The following FRMPD3 variants were observed in gnomAD, a reference collection of about 807,000 sequenced individuals.
FRMPD3 encodes FERM and PDZ domain-containing protein 3.
Under a neutral mutation model 97.9 loss-of-function variants are expected in FRMPD3, and 42 were observed. The ratio of observed to expected loss-of-function variants is 0.43; its 90% CI spans 0.34 to 0.55. The LOEUF (loss-of-function observed/expected upper bound fraction) is 0.55. FRMPD3 is among the 20% of genes least tolerant of loss of function. FRMPD3 has a pLI of 0.03. For missense variants in FRMPD3, 1,303 were observed against 1,457.7 expected, an observed-to-expected ratio of 0.89 and a Z score of 1.73; for synonymous variants, 577 against 581.1, an observed-to-expected ratio of 0.99 and a Z score of 0.10.
chrX:107,559,003 T>C (rs1602816094), intron 8 of FRMPD3, among the ~76,000 whole-genome samples: 1 of 65,713 alleles, frequency 1.5e-5, no homozygotes, highest in East Asian at 3.6e-4. Flanking sequence ...ACTATAGCAA[T>C]TTTTTTTTTT....
chrX:107,515,700 C>T (rs1321775196), intron 1 of FRMPD3, among the ~76,000 whole-genome samples: 1 of 111,369 alleles, frequency 9.0e-6, no homozygotes, highest in African/African-American at 3.3e-5. Flanking sequence ...TGTTTGTTTT[C>T]TTAAGGATGG....
At chrX:107,525,027 GCATTGCT>G (rs1922645027) in intron 1 of FRMPD3, among the ~76,000 whole-genome samples, 1 of 100,318 alleles carries the variant, frequency 1.0e-5, no homozygotes, top group Non-Finnish European at 2.0e-5. Context: ...AAAAAGAATT[GCATTGCT>G]CTCAGAATGT....
chrX:107,589,153 G>A (rs993344338), intron 13 of FRMPD3, among the ~76,000 whole-genome samples: 2 of 111,144 alleles, frequency 1.8e-5, no homozygotes, highest in Non-Finnish European at 3.8e-5. Context: ...AGGAGAAGAG[G>A]CACTCTGGCC....
chrX:107,560,197 CA>C lies in FRMPD3; in HGVS notation c.763-59del, dbSNP rs745644929. ...TTGTCTGGGATGTAAGGGAGTAGAT[CA>C]GGGGGTGGGGAAGGAATGTCTCCTT... On this transcript the variant is annotated intron_variant, in intron 8 of 14. Coordinates refer to ENST00000683843, the MANE Select transcript of FRMPD3 (RefSeq NM_001388459.1). 7.7e-6 allele frequency: 9 copies of C among 1,164,820 alleles called. No individual in the cohort carries two copies. In the South Asian group the frequency reaches 1.5e-4, roughly 19 times the overall value.
At chrX:107,598,201 T>C in intron 14 of FRMPD3, 59 bp downstream of exon 14, 1 of 993,736 alleles carries the variant, frequency 1.0e-6, no homozygotes, top group East Asian at 3.1e-5. Context: ...CAAGGGCCAG[T>C]AGGTAACATT....
At chrX:107,584,466 T>C (rs994764299) in intron 13 of FRMPD3, among the ~76,000 whole-genome samples, 1 of 112,107 alleles carries the variant, frequency 8.9e-6, no homozygotes, top group Non-Finnish European at 1.9e-5. Flanking sequence ...CATTTGTCAA[T>C]TGTGGCTTTT....
Position 107,600,412 on chromosome X carries a change from G to A in FRMPD3, c.2373G>A (p.Gln791=). 1 of 1,210,821 alleles carries A rather than the reference G, an allele frequency of 8.3e-7. No individual in the cohort carries two copies. ...DMSEMMSAMK[Q]HQNTTYFLAQ... ...CAGAGATGATGTCGGCCATGAAGCA[G>A]CACCAGAACACCACCTACTTCCTGG... is the stretch of plus-strand genomic sequence containing the variant. Residue 791 remains glutamine, a synonymous_variant, in exon 15 of 15, where the codon CAG becomes CAA. Coordinates refer to ENST00000683843, the MANE Select transcript of FRMPD3 (RefSeq NM_001388459.1).
At chrX:107,538,020 T>C (rs1177064380) in intron 4 of FRMPD3, among the ~76,000 whole-genome samples, 1 of 111,196 alleles carries the variant, frequency 9.0e-6, no homozygotes, top group Non-Finnish European at 1.9e-5. Context: ...GGCAGTGCAG[T>C]GTAGTGCAAG....
Position 107,502,605 on chromosome X carries a change from A to G in FRMPD3, c.-7-23977A>G, listed in dbSNP as rs1921938840. ...GAAACAACCAGGGTCCATCTGACTC[A>G]GAGGCAGGAAGTCGGGCACCAATTC... On this transcript the variant is annotated intron_variant, in intron 1 of 14. Coordinates refer to ENST00000683843, the MANE Select transcript of FRMPD3 (RefSeq NM_001388459.1). Among the ~76,000 whole-genome samples, 3 of 110,994 alleles carry G rather than the reference A, an allele frequency of 2.7e-5. No individual in the cohort carries two copies. The Admixed American group carries it at 2.9e-4, about 11-fold the overall frequency.
chrX:107,473,246 G>T (rs1478866926), intron 1 of FRMPD3, among the ~76,000 whole-genome samples: 1 of 111,818 alleles, frequency 8.9e-6, no homozygotes, highest in Non-Finnish European at 1.9e-5. Context: ...TTTTTCTACG[G>T]AAAGTATTTG....
At chrX:107,580,251 C>T (rs2147622088) in intron 13 of FRMPD3, among the ~76,000 whole-genome samples, 1 of 112,402 alleles carries the variant, frequency 8.9e-6, no homozygotes, top group Non-Finnish European at 1.9e-5. Context: ...GGGCAATCCC[C>T]TTGGGGAAAG....
chrX:107,603,328 T>C lies in FRMPD3; in HGVS notation c.5289T>C (p.Thr1763=), dbSNP rs1428846627. 1 of 1,122,901 alleles carries C rather than the reference T, an allele frequency of 8.9e-7. No individual in the cohort carries two copies. The highest frequency in any genetic ancestry group is 2.9e-5 in the Admixed American group (1 of 34,106). 92.5% of individuals were successfully genotyped at this position (1,122,901 alleles called of 1,213,427 possible). The change falls in exon 15 of 15, where the codon ACT becomes ACC. Residue 1763 remains threonine, a synonymous_variant. Transcript: ENST00000683843. ...CACCAGGCTCCCCAACTTCGGCGACTGTTATGAGCACATTCACCCACTCCT... is the reference window on the plus strand; with the variant it reads ...CACCAGGCTCCCCAACTTCGGCGACCGTTATGAGCACATTCACCCACTCCT... ...EHPPGSPTSA[T]VMSTFTHSLK...
chrX:107,521,558 A>C (rs1288002907), intron 1 of FRMPD3, among the ~76,000 whole-genome samples: 1 of 112,745 alleles, frequency 8.9e-6, no homozygotes, highest in East Asian at 2.8e-4. Flanking sequence ...TTTGTGCCCA[A>C]GCTCCTTACA....
At chrX:107,542,452 C>T (rs924022669) in intron 4 of FRMPD3, among the ~76,000 whole-genome samples, 2 of 111,697 alleles carry the variant, frequency 1.8e-5, no homozygotes, top group Non-Finnish European at 3.8e-5. Context: ...AGACCTCACC[C>T]CCAGGAATTC....
At chrX:107,488,161 G>T (rs1325981538) in intron 1 of FRMPD3, among the ~76,000 whole-genome samples, 3 of 111,926 alleles carry the variant, frequency 2.7e-5, no homozygotes, top group Non-Finnish European at 5.6e-5. Flanking sequence ...GTCAAGGCAA[G>T]CAGCTTATCA....
At chrX:107,568,669 G>A (rs1158731693) in intron 12 of FRMPD3, among the ~76,000 whole-genome samples, 1 of 108,682 alleles carries the variant, frequency 9.2e-6, no homozygotes, top group African/African-American at 3.4e-5. Flanking sequence ...GGGAGGCAGA[G>A]GTTGCAGTGA....
At chrX:107,546,845 G>C (rs974198691) in intron 5 of FRMPD3, among the ~76,000 whole-genome samples, 7 of 111,991 alleles carry the variant, frequency 6.3e-5, no homozygotes, top group Non-Finnish European at 1.3e-4. Flanking sequence ...CAGGCCCAGA[G>C]CAGGGAAATC....
In FRMPD3 at chrX:107,601,999, C is replaced by T; in HGVS notation, c.3960C>T (p.Leu1320=). 1 of 1,169,046 alleles carries T rather than the reference C, an allele frequency of 8.6e-7. No homozygotes were observed. The highest frequency in any genetic ancestry group is 1.1e-6 in the Non-Finnish European group (1 of 876,064). ...PQATQTPVPS[L]RGRERDRVLP... Reference sequence around the variant, plus strand: ...CCACCCAGACACCAGTGCCCAGCCTCCGGGGGAGGGAAAGGGACAGAGTCC... The same window carrying T: ...CCACCCAGACACCAGTGCCCAGCCTTCGGGGGAGGGAAAGGGACAGAGTCC... The change falls in exon 15 of 15, where the codon CTC becomes CTT. Residue 1320 remains leucine, a synonymous_variant. Coordinates refer to ENST00000683843, the MANE Select transcript of FRMPD3 (RefSeq NM_001388459.1).
intron 1 of FRMPD3, among the ~76,000 whole-genome samples, chrX:107,505,706 T>C (rs1435551373): frequency 8.9e-6 from 1 of 112,922 alleles, no homozygotes; most frequent in Non-Finnish European, 1.9e-5. Flanking sequence ...TGTTATTTCA[T>C]CATTTTGACC....
Sources: allele counts gnomAD v4.1 joint callset (sites outside exome capture counted in the v4.1 genomes callset), GRCh38; gene constraint gnomAD v4.1.1; transcripts MANE v1.5; gene names NCBI Gene and HGNC (gene_info 2026-07-23, HGNC 2026-07-21).